The following TCF4 variants were observed in gnomAD, a reference collection of about 807,000 sequenced individuals.
The protein encoded by TCF4 is SL3-3 enhancer factor 2.
A neutral mutation model predicts 82.1 loss-of-function variants in TCF4; 3 were observed. The ratio of observed to expected loss-of-function variants is 0.04; its 90% CI spans 0.02 to 0.09. The LOEUF (loss-of-function observed/expected upper bound fraction) is 0.09. TCF4 is among the 10% of genes least tolerant of loss of function. The pLI is 1.00. For synonymous variants in TCF4, 276 were observed against 309.6 expected (o/e 0.89, Z 1.14); for missense variants, 518 against 852.7 (o/e 0.61, Z 4.89).
At chr18:55,235,831 A>C (rs2049198724) in intron 15 of TCF4, among the ~76,000 whole-genome samples, 1 of 152,170 alleles carries the variant, frequency 6.6e-6, no homozygotes, top group African/African-American at 2.4e-5. Flanking sequence ...CCAGTCAAAA[A>C]TATGAAACCA....
At chr18:55,301,762 A>G (rs2068348665) in intron 8 of TCF4, among the ~76,000 whole-genome samples, 1 of 137,580 alleles carries the variant, frequency 7.3e-6, no homozygotes. Context: ...GCAAACAGTA[A>G]TCTAGTGAGC....
chr18:55,433,065 T>A, intron 5 of TCF4, among the ~76,000 whole-genome samples: 1 of 152,228 alleles, frequency 6.6e-6, no homozygotes, highest in East Asian at 1.9e-4. Context: ...AATTCGGTAG[T>A]CATATCATCT....
At chr18:55,553,851 A>G (rs1716903205) in intron 3 of TCF4, among the ~76,000 whole-genome samples, 1 of 152,206 alleles carries the variant, frequency 6.6e-6, no homozygotes. Flanking sequence ...GACCAATTCA[A>G]TGAATCCAAT....
intron 6 of TCF4, among the ~76,000 whole-genome samples, chr18:55,389,039 T>C (rs2092843060): frequency 6.6e-6 from 1 of 151,638 alleles, no homozygotes; most frequent in African/African-American, 2.4e-5. Context: ...GGCAGAAGAA[T>C]GGCATGAACC....
At chr18:55,478,285 T>C (rs781483361) in intron 3 of TCF4, among the ~76,000 whole-genome samples, 15 of 152,240 alleles carry the variant, frequency 9.9e-5, no homozygotes, top group Non-Finnish European at 1.9e-4. Flanking sequence ...CAGCACAGGC[T>C]AGCCATGAGT....
intron 8 of TCF4, among the ~76,000 whole-genome samples, chr18:55,296,534 T>C (rs1340114265): frequency 6.6e-6 from 1 of 152,086 alleles, no homozygotes; most frequent in Non-Finnish European, 1.5e-5. Context: ...AGAGAGGGCG[T>C]CCTTCATCTT....
intron 5 of TCF4, among the ~76,000 whole-genome samples, chr18:55,413,849 C>A (rs939994554): frequency 5.3e-5 from 8 of 152,164 alleles, no homozygotes; most frequent in African/African-American, 1.9e-4. Flanking sequence ...CTGAAACTTG[C>A]AAAAATTATC....
intron 2 of TCF4, among the ~76,000 whole-genome samples, chr18:55,599,282 C>A (rs1204444513): frequency 6.6e-6 from 1 of 152,208 alleles, no homozygotes; most frequent in Non-Finnish European, 1.5e-5. Context: ...CTTGCAGTTT[C>A]CCTGTGCAGG....
chr18:55,452,922 G>A (rs2095654096), intron 5 of TCF4, among the ~76,000 whole-genome samples: 1 of 152,018 alleles, frequency 6.6e-6, no homozygotes, highest in African/African-American at 2.4e-5. Context: ...TTAGAGCTGA[G>A]ACATCTTTTT....
chr18:55,251,673 C>G (rs1040181484), intron 15 of TCF4, among the ~76,000 whole-genome samples: 29 of 152,158 alleles, frequency 1.9e-4, no homozygotes, highest in Admixed American at 1.8e-3. Context: ...GTGCTCAATA[C>G]AAAACCGGGA....
chr18:55,568,342 G>A (rs1290238146), intron 3 of TCF4, among the ~76,000 whole-genome samples: 1 of 151,192 alleles, frequency 6.6e-6, no homozygotes, highest in African/African-American at 2.4e-5. Context: ...AAAAAAAGAA[G>A]GAATACATAA....
At chr18:55,595,599 CCTG>C (rs1348934972) in intron 2 of TCF4, among the ~76,000 whole-genome samples, 2 of 151,990 alleles carry the variant, frequency 1.3e-5, no homozygotes, top group Non-Finnish European at 2.9e-5. Flanking sequence ...TTAGATTTTG[CCTG>C]CTTTTAGATG....
chr18:55,367,506 C>A (rs2087529220), intron 6 of TCF4, among the ~76,000 whole-genome samples: 1 of 152,164 alleles, frequency 6.6e-6, no homozygotes, highest in Admixed American at 6.5e-5. Flanking sequence ...GGCCCCTTCA[C>A]CAATGCAATG....
intron 3 of TCF4, among the ~76,000 whole-genome samples, chr18:55,549,060 G>A (rs2097233869): frequency 6.6e-6 from 1 of 151,994 alleles, no homozygotes; most frequent in Admixed American, 6.6e-5. Context: ...CAGCACTTTA[G>A]GAGGTCAAGG....
chr18:55,433,659 T>C (rs1403689578), intron 5 of TCF4, among the ~76,000 whole-genome samples: 2 of 152,356 alleles, frequency 1.3e-5, no homozygotes, highest in Non-Finnish European at 1.5e-5. Context: ...CCCAACTGTG[T>C]GTGCTGCTGA....
At chr18:55,379,426 T>C (rs995054761) in intron 6 of TCF4, among the ~76,000 whole-genome samples, 1 of 152,106 alleles carries the variant, frequency 6.6e-6, no homozygotes, top group African/African-American at 2.4e-5. Flanking sequence ...AAGAATTACA[T>C]CTCAGGGTAG....
rs1423485728 is a variant in TCF4, at chr18:55,244,093, AAC to A, written c.1351-9412_1351-9411del. ...GTTAATCTCTATTCCCGACTGGATAAACAGCTGCTAATAACCTCCAGCTCCCA... is the reference window on the plus strand; with the variant it reads ...GTTAATCTCTATTCCCGACTGGATAAAGCTGCTAATAACCTCCAGCTCCCA... On this transcript the variant is annotated intron_variant, in intron 15 of 19. Coordinates refer to ENST00000354452, the MANE Select transcript of TCF4 (RefSeq NM_001083962.2). 2.0e-5 allele frequency among the ~76,000 whole-genome samples: 3 copies of A among 152,172 alleles called. No individual in the cohort carries two copies. The East Asian group carries it at 5.8e-4, about 29-fold the overall frequency.
chr18:55,352,489 C>T (rs770973304), intron 6 of TCF4, among the ~76,000 whole-genome samples: 3 of 152,088 alleles, frequency 2.0e-5, no homozygotes, highest in Non-Finnish European at 2.9e-5. Context: ...ATGTAATAAA[C>T]ATTACTTCAA....
intron 8 of TCF4, among the ~76,000 whole-genome samples, chr18:55,323,987 C>A (rs10515971): frequency 0.055 from 8,340 of 152,212 alleles, 329 homozygotes; most frequent in East Asian, 0.22. Flanking sequence ...AAATATAAAC[C>A]AAATTGTCAT....
Sources: allele counts gnomAD v4.1 joint callset (sites outside exome capture counted in the v4.1 genomes callset), GRCh38; gene constraint gnomAD v4.1.1; transcripts MANE v1.5; gene names NCBI Gene and HGNC (gene_info 2026-07-23, HGNC 2026-07-21).